The following SLC7A1 variants were observed in gnomAD, a reference collection of about 807,000 sequenced individuals.
The protein encoded by SLC7A1 is high affinity cationic amino acid transporter 1.
SLC7A1 carries 10 observed loss-of-function variants against 53.9 expected under a neutral mutation model. The observed-to-expected ratio is 0.19, with a 90% CI of 0.11 to 0.31. The LOEUF is 0.31. Ranked by LOEUF, SLC7A1 falls within the 10% of genes least tolerant of loss-of-function variation. The pLI is 1.00. For missense variants in SLC7A1, 525 were observed against 827.2 expected (o/e 0.63, Z 4.48); for synonymous variants, 342 against 338.7 (o/e 1.01, Z -0.11).
chr13:29,581,841 C>T (rs1278701424), intron 1 of SLC7A1, among the ~76,000 whole-genome samples: 1 of 152,234 alleles, frequency 6.6e-6, no homozygotes, highest in Admixed American at 6.5e-5. Context: ...TCACCACCCC[C>T]AGCCTTCTGG....
chr13:29,519,403 T>G (rs1391318992), intron 9 of SLC7A1, 44 bp downstream of exon 9: 1 of 1,115,384 alleles, frequency 9.0e-7, no homozygotes, highest in Non-Finnish European at 1.4e-6. Flanking sequence ...GGCTACCAGG[T>G]GCATCTGCAT....
rs150760570 is a variant in SLC7A1 at position 29,566,377 on chromosome 13, G to A, written c.-114-12517C>T. Among the ~76,000 whole-genome samples, 432 of 152,284 alleles carry A rather than the reference G, an allele frequency of 2.8e-3. 1 individual carries two copies. The highest frequency in any genetic ancestry group is 9.7e-3 in the African/African-American group (403 of 41,554). On this transcript the variant is annotated intron_variant, in intron 1 of 12. Transcript: ENST00000380752. ...GGCAAAAAGCAGAAACAACCCAAACGTCCATCGACTGCTGAATGGATAAAC... is the reference window on the plus strand; with the variant it reads ...GGCAAAAAGCAGAAACAACCCAAACATCCATCGACTGCTGAATGGATAAAC...
At chr13:29,560,703 A>G (rs1870719145) in intron 1 of SLC7A1, among the ~76,000 whole-genome samples, 1 of 152,172 alleles carries the variant, frequency 6.6e-6, no homozygotes, top group African/African-American at 2.4e-5. Context: ...AGGCTAAGAC[A>G]TCAATAAGCA....
intron 1 of SLC7A1, among the ~76,000 whole-genome samples, chr13:29,584,081 C>G (rs562833395): frequency 6.6e-6 from 1 of 152,166 alleles, no homozygotes; most frequent in South Asian, 2.1e-4. Context: ...TTCTCAAATA[C>G]CAACAATGGT....
At chr13:29,570,949 T>C (rs1472249455) in intron 1 of SLC7A1, among the ~76,000 whole-genome samples, 2 of 152,196 alleles carry the variant, frequency 1.3e-5, no homozygotes, top group Admixed American at 6.5e-5. Flanking sequence ...TGAATTTATA[T>C]ATGTAAAGCA....
intron 1 of SLC7A1, among the ~76,000 whole-genome samples, chr13:29,579,254 G>A (rs764611190): frequency 6.6e-6 from 1 of 152,046 alleles, no homozygotes; most frequent in Non-Finnish European, 1.5e-5. Flanking sequence ...GGCCTATCCC[G>A]ACATTCCAAA....
chr13:29,566,130 AC>A (rs1283323814), intron 1 of SLC7A1, among the ~76,000 whole-genome samples: 1 of 152,270 alleles, frequency 6.6e-6, no homozygotes, highest in African/African-American at 2.4e-5. Flanking sequence ...TGAACTGCAC[AC>A]TTAAAAATGG....
At chr13:29,521,576 G>A (rs1234288981) in intron 8 of SLC7A1, among the ~76,000 whole-genome samples, 5 of 152,210 alleles carry the variant, frequency 3.3e-5, no homozygotes, top group African/African-American at 1.2e-4. Flanking sequence ...AAATGCAATT[G>A]CGAAAGGGGC....
At chr13:29,570,712 C>G (rs1489139817) in intron 1 of SLC7A1, among the ~76,000 whole-genome samples, 1 of 151,982 alleles carries the variant, frequency 6.6e-6, no homozygotes, top group Non-Finnish European at 1.5e-5. Context: ...AAAAAATTAG[C>G]GAGAGATGGT....
intron 1 of SLC7A1, among the ~76,000 whole-genome samples, chr13:29,570,524 G>A (rs1349185504): frequency 2.6e-5 from 4 of 152,182 alleles, no homozygotes; most frequent in African/African-American, 7.2e-5. Flanking sequence ...GAGACAGATA[G>A]AAGTTAAACT....
chr13:29,574,633 G>A (rs559936219), intron 1 of SLC7A1, among the ~76,000 whole-genome samples: 3 of 149,908 alleles, frequency 2.0e-5, no homozygotes, highest in African/African-American at 7.3e-5. Context: ...ACTCACTGGA[G>A]CAGCTAATGC....
Position 29,550,770 on chromosome 13 carries a change from C to A in SLC7A1, c.-15+2991G>T, listed in dbSNP as rs575527758. Among the ~76,000 whole-genome samples, 67 of 152,286 alleles carry A rather than the reference C, an allele frequency of 4.4e-4. No homozygotes were observed. The South Asian group carries it at 0.014, about 31-fold the overall frequency. ...AGCATAGGCGCCAGCTGAGCTCTGA[C>A]TCCTGCTGATTCCTGGCCCACAGAA... On this transcript the variant is annotated intron_variant, in intron 2 of 12. Coordinates refer to ENST00000380752, the MANE Select transcript of SLC7A1 (RefSeq NM_003045.5).
At chr13:29,546,033 T>C (rs1869907656) in intron 2 of SLC7A1, among the ~76,000 whole-genome samples, 1 of 152,212 alleles carries the variant, frequency 6.6e-6, no homozygotes, top group Non-Finnish European at 1.5e-5. Context: ...AGGTATCCTA[T>C]CCTATCCTAT....
chr13:29,522,386 AT>A lies in SLC7A1; in HGVS notation c.1119del (p.Lys373AsnfsTer3). 1 of 1,614,218 alleles carries A rather than the reference AT, an allele frequency of 6.2e-7. No homozygotes were observed. Among genetic ancestry groups the A allele is most frequent in the Non-Finnish European group, 8.5e-7 (1 of 1,180,026 alleles). On this transcript the variant is annotated frameshift_variant, in exon 8 of 13. Coordinates refer to ENST00000380752, the MANE Select transcript of SLC7A1 (RefSeq NM_003045.5). LOFTEE classifies it high-confidence loss of function. ...YAMAEDGLLF[K>X]FLANVNDRTK... ...GTCCTATCATTGACGTTGGCTAAGA[AT>A]TTAAATAGCAGTCCATCCTCAGCCA...
At chr13:29,590,379 T>C (rs894946691) in intron 1 of SLC7A1, among the ~76,000 whole-genome samples, 1 of 152,014 alleles carries the variant, frequency 6.6e-6, no homozygotes, top group Non-Finnish European at 1.5e-5. Context: ...CACACACACA[T>C]ACATATACAC....
At position 29,536,121 on chromosome 13, in the gene SLC7A1, C is replaced by G; in HGVS notation, c.68G>C (p.Arg23Pro). The change falls in exon 3 of 13, where the codon CGG (arginine) becomes CCG (proline). Residue 23 changes from arginine (R) to proline (P), a missense_variant. Physicochemically the swap from Arg to Pro is moderately radical, Grantham distance 103. This residue lies in a region of SLC7A1 where 354 missense variants were observed against 587.5 expected (regional missense o/e 0.60). Transcript: ENST00000380752. ...MLRRKVVDCS[R>P]EETRLSRCLN... ...GCAGCGAGACAGCCGCGTCTCCTCC[C>G]GGCTACAGTCCACCACCTTCCGCCG... 1.2e-6 allele frequency: 2 copies of G among 1,614,020 alleles called. No homozygotes were observed. Among genetic ancestry groups the G allele is most frequent in the South Asian group, 1.1e-5 (1 of 91,076 alleles).
At chr13:29,562,624 A>C (rs1281353577) in intron 1 of SLC7A1, among the ~76,000 whole-genome samples, 9 of 152,158 alleles carry the variant, frequency 5.9e-5, no homozygotes, top group Admixed American at 5.2e-4. Flanking sequence ...TGGCCAACTA[A>C]CATATGCATT....
intron 1 of SLC7A1, among the ~76,000 whole-genome samples, chr13:29,559,859 G>C (rs2139149070): frequency 6.6e-6 from 1 of 152,072 alleles, no homozygotes; most frequent in African/African-American, 2.4e-5. Context: ...GGGACTACAG[G>C]CGCCCGCCAC....
chr13:29,523,124 G>C, intron 7 of SLC7A1, 142 bp downstream of exon 7: 2 of 694,122 alleles, frequency 2.9e-6, no homozygotes. Context: ...GATCAAAGCT[G>C]GGTTGGGTAC....
Sources: gnomAD v4.1 joint callset for allele counts (sites outside exome capture counted in the v4.1 genomes callset) on GRCh38, gnomAD v4.1.1 for gene constraint, gnomAD v4.1.1 regional missense constraint, MANE v1.5 for transcripts, NCBI Gene and HGNC (gene_info 2026-07-23, HGNC 2026-07-21) for gene names.